The following TAFA5 variants were observed in gnomAD, a reference collection of about 807,000 sequenced individuals.
The protein encoded by TAFA5 is TAFA chemokine like family member 5.
TAFA5 carries 6 observed loss-of-function variants against 15.3 expected under a neutral mutation model. The ratio of observed to expected loss-of-function variants is 0.39; its 90% CI spans 0.21 to 0.77. The LOEUF (loss-of-function observed/expected upper bound fraction) is 0.77, where lower values mean the gene tolerates loss of function less well. Among genes scored for constraint, TAFA5 ranks in the 30% least tolerant of loss-of-function variants. The probability of loss-of-function intolerance (pLI) is 0.41; values close to 1 mark genes in which losing one functional copy is unlikely to be tolerated. For synonymous variants in TAFA5, 103 were observed against 80.7 expected, an observed-to-expected ratio of 1.28 and a Z score of -1.48; for missense variants, 161 against 193.1, an observed-to-expected ratio of 0.83 and a Z score of 0.98.
rs1471651902 is a variant in TAFA5 at position 48,742,082 on chromosome 22, G to C, written c.391-7757G>C. Among the ~76,000 whole-genome samples, 1 of 152,174 alleles carries C rather than the reference G, an allele frequency of 6.6e-6. No homozygotes were observed. Among genetic ancestry groups the C allele is most frequent in the Non-Finnish European group, 1.5e-5 (1 of 68,020 alleles). Reference sequence around the variant, plus strand: ...GGCTCCCAGAGGCTCCAGCTGGGAGGCTGTGGGAGGTCGGGGCACCTGCCA... The same window carrying C: ...GGCTCCCAGAGGCTCCAGCTGGGAGCCTGTGGGAGGTCGGGGCACCTGCCA... On this transcript the variant is annotated intron_variant, in intron 3 of 3. Transcript: ENST00000402357. The surrounding 1 kb of genome is among the most constrained non-coding windows in gnomAD (Gnocchi z 6.2).
chr22:48,507,882 T>C (rs1366093002), intron 1 of TAFA5, among the ~76,000 whole-genome samples: 1 of 152,100 alleles, frequency 6.6e-6, no homozygotes, highest in African/African-American at 2.4e-5. Flanking sequence ...GGTTCCCTTT[T>C]GGGCATCCCC....
At chr22:48,596,920 G>A (rs74427111) in intron 1 of TAFA5, among the ~76,000 whole-genome samples, 6 of 152,100 alleles carry the variant, frequency 3.9e-5, no homozygotes, top group Admixed American at 3.9e-4. Context: ...TGATCCTCTC[G>A]CTCAAGCCTC....
At chr22:48,687,828 C>A (rs1251574526) in intron 2 of TAFA5, among the ~76,000 whole-genome samples, 1 of 152,156 alleles carries the variant, frequency 6.6e-6, no homozygotes, top group Admixed American at 6.5e-5. Flanking sequence ...CTGGGCTGCC[C>A]CAGGCTCCCT....
intron 1 of TAFA5, among the ~76,000 whole-genome samples, chr22:48,564,292 TG>T (rs1923338455): frequency 6.6e-6 from 1 of 152,252 alleles, no homozygotes; most frequent in African/African-American, 2.4e-5. Context: ...GGCCTAGGCC[TG>T]GGCAAGCCAG....
intron 1 of TAFA5, among the ~76,000 whole-genome samples, chr22:48,584,197 TACAC>T (rs1217178623): frequency 8.3e-6 from 1 of 121,034 alleles, no homozygotes; most frequent in East Asian, 2.6e-4. Flanking sequence ...CCACACAAAA[TACAC>T]AACACACAAA....
intron 1 of TAFA5, among the ~76,000 whole-genome samples, chr22:48,532,064 G>A (rs1921993424): frequency 6.6e-6 from 1 of 152,236 alleles, no homozygotes; most frequent in Non-Finnish European, 1.5e-5. Flanking sequence ...TCTCTCCCGA[G>A]CCCTGCTCCT....
In TAFA5 at chr22:48,566,404, G is replaced by T. The variant is rs1232391131; in HGVS notation, c.112+76700G>T. 6.6e-6 allele frequency among the ~76,000 whole-genome samples: 1 copy of T among 152,062 alleles called. No individual in the cohort carries two copies. Among genetic ancestry groups the T allele is most frequent in the Non-Finnish European group, 1.5e-5 (1 of 67,994 alleles). On this transcript the variant is annotated intron_variant, in intron 1 of 3. Coordinates refer to ENST00000402357, the MANE Select transcript of TAFA5 (RefSeq NM_001082967.3). The surrounding 1 kb of genome is among the most constrained non-coding windows in gnomAD (Gnocchi z 4.5). ...GGTGGATGGTGAATGATGGGTAGAT[G>T]GTAGGTGGATGGATGATGAATGGTA...
chr22:48,746,985 C>A (rs555261872), intron 3 of TAFA5, among the ~76,000 whole-genome samples: 2 of 152,318 alleles, frequency 1.3e-5, no homozygotes, highest in East Asian at 3.9e-4. Context: ...CTCGCCCATA[C>A]CCTACAGAGT....
At position 48,632,590 on chromosome 22, in the gene TAFA5, G is replaced by C. The variant is rs187796710; in HGVS notation, c.113-14007G>C. Among the ~76,000 whole-genome samples, 28 of 151,774 alleles carry C rather than the reference G, an allele frequency of 1.8e-4. No homozygotes were observed. In the East Asian group the frequency reaches 5.2e-3, roughly 28 times the overall value. On this transcript the variant is annotated intron_variant, in intron 1 of 3. Transcript: ENST00000402357. Reference sequence around the variant, plus strand: ...GACGCACAGAACGTGCCGGGCCCTGGAGAGGCTGTGAGCACCCTGGGTGTT... The same window carrying C: ...GACGCACAGAACGTGCCGGGCCCTGCAGAGGCTGTGAGCACCCTGGGTGTT...
rs142203799 is a variant in TAFA5 at position 48,511,775 on chromosome 22, C to T, written c.112+22071C>T. On this transcript the variant is annotated intron_variant, in intron 1 of 3. Coordinates refer to ENST00000402357, the MANE Select transcript of TAFA5 (RefSeq NM_001082967.3). ...GCATCACCTGTGGAACCTTACAAGA[C>T]GGTGCTGACAGTTTCTTCCCGCACT... 3.4e-3 allele frequency among the ~76,000 whole-genome samples: 521 copies of T among 152,358 alleles called. 1 individual carries two copies. Among genetic ancestry groups the T allele is most frequent in the Non-Finnish European group, 6.0e-3 (405 of 68,044 alleles).
At chr22:48,690,818 A>T (rs1928517129) in intron 2 of TAFA5, among the ~76,000 whole-genome samples, 2 of 152,160 alleles carry the variant, frequency 1.3e-5, no homozygotes, top group African/African-American at 4.8e-5. Flanking sequence ...GGGCTGACCT[A>T]TGTCAGCCCA....
chr22:48,688,709 G>C (rs1928441144), intron 2 of TAFA5, among the ~76,000 whole-genome samples: 1 of 152,194 alleles, frequency 6.6e-6, no homozygotes, highest in Admixed American at 6.5e-5. Context: ...AAAAAAAGAG[G>C]GCTGGGCACA....
chr22:48,731,161 C>G (rs1259825515), intron 3 of TAFA5, among the ~76,000 whole-genome samples: 3 of 152,192 alleles, frequency 2.0e-5, no homozygotes, highest in African/African-American at 2.4e-5. Context: ...AAAGCCTAAT[C>G]CAGAGCAAGC....
chr22:48,578,957 A>T (rs565529976), intron 1 of TAFA5, among the ~76,000 whole-genome samples: 1 of 152,364 alleles, frequency 6.6e-6, no homozygotes, highest in East Asian at 1.9e-4. Context: ...GGAACAAGGC[A>T]GGCGGGTGGA....
At chr22:48,692,292 GCTGCAGCCCTGGGCCCCTCCCTC>G (rs1928568199) in intron 2 of TAFA5, among the ~76,000 whole-genome samples, 1 of 152,208 alleles carries the variant, frequency 6.6e-6, no homozygotes, top group Admixed American at 6.5e-5. Flanking sequence ...TCAGGGGTCC[GCTGCAGCCCTGGGCCCCTCCCTC>G]CTTGCTGTCA....
At chr22:48,581,916 G>A (rs746592142) in intron 1 of TAFA5, among the ~76,000 whole-genome samples, 2 of 152,146 alleles carry the variant, frequency 1.3e-5, no homozygotes, top group African/African-American at 4.8e-5. Flanking sequence ...ACATAGTTTT[G>A]TGGCTGCACT....
chr22:48,507,034 C>T (rs908678813), intron 1 of TAFA5, among the ~76,000 whole-genome samples: 1 of 152,132 alleles, frequency 6.6e-6, no homozygotes. Context: ...AGCAAGGGGA[C>T]AGCCGCCAAG....
At chr22:48,744,697 C>G (rs555046310) in intron 3 of TAFA5, among the ~76,000 whole-genome samples, 1 of 152,176 alleles carries the variant, frequency 6.6e-6, no homozygotes, top group Non-Finnish European at 1.5e-5. Context: ...AGCACCTTTA[C>G]GAACATCTTT....
chr22:48,583,414 G>GCCACACACACA (rs2147149087), intron 1 of TAFA5, among the ~76,000 whole-genome samples: 1 of 63,190 alleles, frequency 1.6e-5, no homozygotes, highest in African/African-American at 7.1e-5. Context: ...CACAAAATAC[G>GCCACACACACA]CCACACACAC....
Sources: gnomAD v4.1 joint callset for allele counts (sites outside exome capture counted in the v4.1 genomes callset) on GRCh38, gnomAD v4.1.1 for gene constraint, Gnocchi (gnomAD v3.1) non-coding constraint, MANE v1.5 for transcripts, NCBI Gene and HGNC (gene_info 2026-07-23, HGNC 2026-07-21) for gene names.